The following KAZN variants were observed in gnomAD, a reference collection of about 807,000 sequenced individuals.
KAZN encodes the protein kazrin, periplakin interacting protein, also known as kazrin.
In KAZN, 40 loss-of-function variants were observed where a neutral mutation model predicts 87.4. That is an observed-to-expected ratio of 0.46 (90% CI 0.36 to 0.60). The LOEUF (loss-of-function observed/expected upper bound fraction) is 0.60, where lower values mean the gene tolerates loss of function less well. Ranked by LOEUF, KAZN falls within the 20% of genes least tolerant of loss-of-function variation. The pLI, the probability that KAZN is intolerant of heterozygous loss-of-function variation, is 0.00. For missense variants in KAZN, 898 were observed against 1,073.9 expected, an observed-to-expected ratio of 0.84 and a Z score of 2.29; for synonymous variants, 466 against 458.3, an observed-to-expected ratio of 1.02 and a Z score of -0.22.
chr1:14,955,042 C>T (rs1662919963), intron 1 of KAZN, among the ~76,000 whole-genome samples: 1 of 152,154 alleles, frequency 6.6e-6, no homozygotes, highest in South Asian at 2.1e-4. Flanking sequence ...AACACAAAAT[C>T]GGTAGCATTC....
Position 15,060,217 on chromosome 1 carries a change from CCGA to C in KAZN, c.965_967del (p.Asp322del). On this transcript the variant is annotated inframe_deletion, in exon 6 of 15. Transcript: ENST00000376030. ...CACTCCCGGCAGCCCTCTGTCATCT[CCGA>C]CGCATCTGCCGCCGAAGGCGACCGG... 1 of 1,614,260 alleles carries C rather than the reference CCGA, an allele frequency of 6.2e-7. No homozygotes were observed. The highest frequency in any genetic ancestry group is 8.5e-7 in the Non-Finnish European group (1 of 1,180,048).
chr1:15,013,949 G>C (rs1360650721), intron 2 of KAZN, among the ~76,000 whole-genome samples: 1 of 152,110 alleles, frequency 6.6e-6, no homozygotes, highest in Non-Finnish European at 1.5e-5. Flanking sequence ...TTGCTCTGCA[G>C]TTCGGAAATT....
chr1:14,198,801 C>G (rs1349346561), intron 2 of KAZN, among the ~76,000 whole-genome samples: 1 of 152,134 alleles, frequency 6.6e-6, no homozygotes, highest in Non-Finnish European at 1.5e-5. Context: ...TTACAACCCT[C>G]TAAGGTAGGG....
intron 1 of KAZN, among the ~76,000 whole-genome samples, chr1:14,045,571 A>G (rs991518458): frequency 6.6e-6 from 1 of 152,246 alleles, no homozygotes; most frequent in Admixed American, 6.5e-5. Flanking sequence ...CTGACAGCAG[A>G]TTCTGAATCA....
chr1:15,089,568 T>C (rs1178295723), intron 8 of KAZN, among the ~76,000 whole-genome samples: 1 of 152,032 alleles, frequency 6.6e-6, no homozygotes, highest in East Asian at 1.9e-4. Flanking sequence ...CAGCCTTGAC[T>C]AAGTGCCTAC....
chr1:14,832,281 C>G (rs910092038), intron 1 of KAZN, among the ~76,000 whole-genome samples: 6 of 152,090 alleles, frequency 3.9e-5, no homozygotes, highest in African/African-American at 1.4e-4. Flanking sequence ...CCACACCCCC[C>G]ACGTCTCTCT....
intron 1 of KAZN, among the ~76,000 whole-genome samples, chr1:14,642,790 C>T (rs1202940151): frequency 1.3e-5 from 2 of 152,032 alleles, no homozygotes; most frequent in Non-Finnish European, 2.9e-5. Context: ...ACCACTGTAT[C>T]CCCTGAAAAA....
intron 1 of KAZN, among the ~76,000 whole-genome samples, chr1:14,640,591 A>C (rs759390863): frequency 2.2e-4 from 34 of 151,988 alleles, no homozygotes; most frequent in Non-Finnish European, 4.0e-4. Context: ...CTCATCCAGC[A>C]CTCTGCAGGG....
At chr1:14,729,514 G>C (rs76734175) in intron 1 of KAZN, among the ~76,000 whole-genome samples, 1,715 of 152,312 alleles carry the variant, frequency 0.011, 40 homozygotes, top group South Asian at 0.082. Flanking sequence ...GCCCTTCGCT[G>C]TCAGGGAATG....
rs1440468080 is a variant in KAZN at position 13,912,630 on chromosome 1, G to T, written c.91+18874G>T. ...ATGCAATTCTTTTTTTTGAGACAGG[G>T]TCTCACTCTGTTGCCCAAGCTGGAA... On this transcript the variant is annotated intron_variant, in intron 1 of 16. Transcript: ENST00000636203. 7.2e-5 allele frequency among the ~76,000 whole-genome samples: 11 copies of T among 152,140 alleles called. No individual in the cohort carries two copies. The East Asian group carries it at 1.9e-3, about 27-fold the overall frequency.
intron 1 of KAZN, among the ~76,000 whole-genome samples, chr1:13,981,986 T>TG (rs941653448): frequency 2.6e-5 from 4 of 152,300 alleles, no homozygotes; most frequent in South Asian, 2.1e-4. Context: ...CACACAGAGA[T>TG]GGGGGGCTGT....
In KAZN at chr1:14,949,163, A is replaced by ATAATAC. The variant is rs1662180792; in HGVS notation, c.227-11516_227-11515insCTAATA. Among the ~76,000 whole-genome samples, 1 of 140,054 alleles carries ATAATAC rather than the reference A, an allele frequency of 7.1e-6. No homozygotes were observed. Among genetic ancestry groups the ATAATAC allele is most frequent in the African/African-American group, 2.7e-5 (1 of 36,930 alleles). The allele number at this position is 140,054 out of a possible 152,430, so 91.9% of individuals were successfully genotyped here. A position where few individuals can be genotyped will look rare whatever the true frequency, so the allele number is the denominator to read the frequency against. Reference sequence around the variant, plus strand: ...GTGAGACTCCGACTCAAAAATAATAATAATAATAATAATAATAATAATAAT... The same window carrying ATAATAC: ...GTGAGACTCCGACTCAAAAATAATAATAATACTAATAATAATAATAATAATAATAAT... On this transcript the variant is annotated intron_variant, in intron 1 of 14. Transcript: ENST00000376030. The surrounding 1 kb of genome is among the most constrained non-coding windows in gnomAD (Gnocchi z 4.3).
chr1:15,065,819 T>G, intron 8 of KAZN, 66 bp downstream of exon 8: 1 of 1,591,214 alleles, frequency 6.3e-7, no homozygotes, highest in East Asian at 2.3e-5. Context: ...CTGCGCCTGC[T>G]GCCCGCAGGC....
chr1:14,305,489 T>C (rs1654855313), intron 2 of KAZN, among the ~76,000 whole-genome samples: 1 of 152,020 alleles, frequency 6.6e-6, no homozygotes, highest in South Asian at 2.1e-4. Flanking sequence ...GCAGTCAAGA[T>C]CAAACATGCC....
chr1:13,909,220 C>T (rs778622590), intron 1 of KAZN, among the ~76,000 whole-genome samples: 1 of 152,112 alleles, frequency 6.6e-6, no homozygotes, highest in Non-Finnish European at 1.5e-5. Flanking sequence ...TCTTAAGTAC[C>T]AACAATAGCA....
intron 1 of KAZN, among the ~76,000 whole-genome samples, chr1:14,150,405 T>G (rs1166211241): frequency 1.3e-5 from 2 of 152,178 alleles, no homozygotes; most frequent in African/African-American, 4.8e-5. Context: ...GTAAGAGTTG[T>G]CTCTGTGTGA....
chr1:14,391,286 A>C (rs1403592790), intron 2 of KAZN, among the ~76,000 whole-genome samples: 1 of 152,138 alleles, frequency 6.6e-6, no homozygotes, highest in Non-Finnish European at 1.5e-5. Flanking sequence ...CCAAATGTTG[A>C]GGTATCCAGA....
chr1:14,989,738 G>C (rs1301989564), intron 2 of KAZN, among the ~76,000 whole-genome samples: 2 of 152,148 alleles, frequency 1.3e-5, no homozygotes, highest in Admixed American at 1.3e-4. Context: ...TCGGGATGGT[G>C]GTGGGCTCCC....
chr1:14,370,879 TTTG>T (rs1416866059), intron 2 of KAZN, among the ~76,000 whole-genome samples: 1 of 152,042 alleles, frequency 6.6e-6, no homozygotes, highest in Non-Finnish European at 1.5e-5. Flanking sequence ...GGGATGGAGT[TTTG>T]TTGTGTTGTC....
Sources: gnomAD v4.1 joint callset for allele counts (sites outside exome capture counted in the v4.1 genomes callset) on GRCh38, gnomAD v4.1.1 for gene constraint, Gnocchi (gnomAD v3.1) non-coding constraint, MANE v1.5 for transcripts, NCBI Gene and HGNC (gene_info 2026-07-23, HGNC 2026-07-21) for gene names.